The following CDYL variants were observed in gnomAD, a reference collection of about 807,000 sequenced individuals.
CDYL encodes chromodomain Y-like protein.
In CDYL, 8 loss-of-function variants were observed where a neutral mutation model predicts 47.3. The observed-to-expected ratio is 0.17, with a 90% confidence interval of 0.10 to 0.31. CDYL has a LOEUF of 0.31. Ranked by LOEUF, CDYL falls within the 10% of genes least tolerant of loss-of-function variation. The pLI, the probability that CDYL is intolerant of heterozygous loss-of-function variation, is 1.00. For missense variants in CDYL, 471 were observed against 701.4 expected (o/e 0.67, Z 3.71); for synonymous variants, 266 against 265.0 (o/e 1.00, Z -0.04).
At chr6:4,741,338 C>G (rs1383917586) in intron 3 of CDYL, among the ~76,000 whole-genome samples, 1 of 152,142 alleles carries the variant, frequency 6.6e-6, no homozygotes, top group Non-Finnish European at 1.5e-5. Flanking sequence ...GAAGAGGCTA[C>G]CAGTCATGGT....
chr6:4,867,560 A>G (rs1026120810), intron 1 of CDYL, among the ~76,000 whole-genome samples: 4 of 152,118 alleles, frequency 2.6e-5, no homozygotes, highest in Admixed American at 6.5e-5. Flanking sequence ...TGCTTTGTCA[A>G]TGACTAGTGA....
chr6:4,920,689 G>A (rs997074968), intron 2 of CDYL, among the ~76,000 whole-genome samples: 2 of 152,172 alleles, frequency 1.3e-5, no homozygotes, highest in Admixed American at 6.5e-5. Context: ...TGTGATCTCG[G>A]CTCACTGCAA....
At chr6:4,749,225 T>C (rs1004029869) in intron 3 of CDYL, among the ~76,000 whole-genome samples, 2 of 152,214 alleles carry the variant, frequency 1.3e-5, no homozygotes, top group Admixed American at 1.3e-4. Context: ...CTGGTTTTTG[T>C]ACTCACAGCA....
chr6:4,827,004 A>G (rs1467393176), intron 1 of CDYL, among the ~76,000 whole-genome samples: 2 of 152,134 alleles, frequency 1.3e-5, no homozygotes, highest in Admixed American at 1.3e-4. Context: ...TGGTGCTTAC[A>G]TGTTTATAAT....
At position 4,796,107 on chromosome 6, in the gene CDYL, G is replaced by C. The variant is rs144907166; in HGVS notation, c.24+19300G>C. ...TCTGTGTAGCTGGGACTACAGGCAC[G>C]CACCACCATGTAACAGGGTTTCACC... On this transcript the variant is annotated intron_variant, in intron 1 of 6. Transcript: ENST00000397588. Among the ~76,000 whole-genome samples, 1,299 of 152,050 alleles carry C rather than the reference G, an allele frequency of 8.5e-3. 21 individuals carry two copies. Among genetic ancestry groups the C allele is most frequent in the African/African-American group, 0.03 (1,248 of 41,460 alleles).
chr6:4,895,003 ATGTT>A (rs1349945640), intron 2 of CDYL, among the ~76,000 whole-genome samples: 3 of 150,860 alleles, frequency 2.0e-5, no homozygotes, highest in South Asian at 4.2e-4. Flanking sequence ...ACTTGTGTGT[ATGTT>A]TATACATATA....
At chr6:4,794,125 G>A (rs1346292653) in intron 1 of CDYL, among the ~76,000 whole-genome samples, 4 of 152,112 alleles carry the variant, frequency 2.6e-5, no homozygotes, top group Non-Finnish European at 5.9e-5. Flanking sequence ...CAGGAGGTAA[G>A]CATAAGTAGA....
intron 2 of CDYL, among the ~76,000 whole-genome samples, chr6:4,725,334 C>G (rs1430485538): frequency 6.6e-6 from 1 of 152,258 alleles, no homozygotes; most frequent in Non-Finnish European, 1.5e-5. Context: ...CGCCCACACT[C>G]CTCAGCCCTT....
chr6:4,815,930 A>G (rs551420919), intron 1 of CDYL, among the ~76,000 whole-genome samples: 2 of 148,896 alleles, frequency 1.3e-5, no homozygotes, highest in South Asian at 2.1e-4. Context: ...CTTTATCAAC[A>G]TTATAAACAC....
At chr6:4,772,112 A>G (rs1173287154), upstream of CDYL, among the ~76,000 whole-genome samples, 1 of 152,262 alleles carries the variant, frequency 6.6e-6, no homozygotes, top group Non-Finnish European at 1.5e-5. Context: ...ATCTAGTTGA[A>G]AAAGCAAATG....
At chr6:4,816,169 A>AT (rs1759669857) in intron 1 of CDYL, among the ~76,000 whole-genome samples, 3 of 151,784 alleles carry the variant, frequency 2.0e-5, no homozygotes, top group Non-Finnish European at 4.4e-5. Context: ...TCAGCTTCAT[A>AT]TTCAGTAGCA....
At chr6:4,842,115 T>C (rs1271958165) in intron 1 of CDYL, among the ~76,000 whole-genome samples, 1 of 143,818 alleles carries the variant, frequency 7.0e-6, no homozygotes, top group East Asian at 2.0e-4. Context: ...ATATTATTTA[T>C]ATATAAACTT....
chr6:4,841,977 T>A (rs894580224), intron 1 of CDYL, among the ~76,000 whole-genome samples: 3 of 145,946 alleles, frequency 2.1e-5, no homozygotes, highest in African/African-American at 5.0e-5. Context: ...TATATTAATA[T>A]TAATAATAAA....
At chr6:4,890,000 A>AGG (rs1423772413) in intron 1 of CDYL, 1 of 985,276 alleles carries the variant, frequency 1.0e-6, no homozygotes, top group East Asian at 1.1e-4. Flanking sequence ...ATGGTTAAGG[A>AGG]GGGAGGGGAA....
At chr6:4,720,560 C>G (rs1254722207) in intron 2 of CDYL, among the ~76,000 whole-genome samples, 1 of 152,006 alleles carries the variant, frequency 6.6e-6, no homozygotes, top group Non-Finnish European at 1.5e-5. Flanking sequence ...AAGATACTAC[C>G]AAAGGGAGCC....
At chr6:4,728,478 C>A (rs146295274) in intron 2 of CDYL, among the ~76,000 whole-genome samples, 1 of 152,174 alleles carries the variant, frequency 6.6e-6, no homozygotes, top group Non-Finnish European at 1.5e-5. Context: ...CCAATTATTG[C>A]TTCCAGGTCC....
upstream of CDYL, among the ~76,000 whole-genome samples, chr6:4,772,421 C>G (rs1215954010): frequency 6.6e-6 from 1 of 152,184 alleles, no homozygotes. Context: ...AAAAAGGAAT[C>G]AGCTGTTATT....
chr6:4,863,861 A>G (rs138791089), intron 1 of CDYL, among the ~76,000 whole-genome samples: 56 of 152,306 alleles, frequency 3.7e-4, no homozygotes, highest in South Asian at 3.5e-3. Flanking sequence ...CAAGCACGAG[A>G]AGGTCCAGTT....
chr6:4,716,149 G>A (rs1757256518), intron 2 of CDYL, among the ~76,000 whole-genome samples: 1 of 151,884 alleles, frequency 6.6e-6, no homozygotes, highest in African/African-American at 2.4e-5. Context: ...TCGGGAGGCT[G>A]AGGCAGGAGA....
Sources: allele counts gnomAD v4.1 joint callset (sites outside exome capture counted in the v4.1 genomes callset), GRCh38; gene constraint gnomAD v4.1.1; transcripts MANE v1.5; gene names NCBI Gene and HGNC (gene_info 2026-07-23, HGNC 2026-07-21).